Variants in FGD4 observed in about 807,000 individuals in gnomAD.
FGD4 encodes FYVE, RhoGEF and PH domain containing 4.
FGD4 carries 42 observed loss-of-function variants against 102.0 expected under a neutral mutation model. The observed-to-expected ratio is 0.41, with a 90% confidence interval of 0.32 to 0.53. The LOEUF is 0.53. FGD4 is among the 20% of genes least tolerant of loss of function. The probability of loss-of-function intolerance (pLI) is 0.21; values close to 1 mark genes in which losing one functional copy is unlikely to be tolerated. For missense variants in FGD4, 902 were observed against 1,078.2 expected, an observed-to-expected ratio of 0.84 and a Z score of 2.29; for synonymous variants, 380 against 375.7, an observed-to-expected ratio of 1.01 and a Z score of -0.13.
rs542888846 is a variant in FGD4, at chr12:32,596,251, G to T, written c.1012-2246G>T. Among the ~76,000 whole-genome samples, 10 of 152,320 alleles carry T rather than the reference G, an allele frequency of 6.6e-5. No individual in the cohort carries two copies. The South Asian group carries it at 1.9e-3, about 28-fold the overall frequency. On this transcript the variant is annotated intron_variant, in intron 4 of 16. Transcript: ENST00000534526. ...CCAAGGGCTTTGAATAGTTGAAGAA[G>T]GCCCCATGGACAAGAATTGGAAATG...
chr12:32,540,031 T>C (rs911872722), intron 1 of FGD4, among the ~76,000 whole-genome samples: 1 of 152,098 alleles, frequency 6.6e-6, no homozygotes, highest in African/African-American at 2.4e-5. Context: ...GAGTGTAAAA[T>C]AGCAAAATAA....
In FGD4 at chr12:32,599,555, TTTTTTTTTTG is replaced by T. The variant is rs1281962917; in HGVS notation, c.1101+970_1101+979del. 8.7e-3 allele frequency among the ~76,000 whole-genome samples: 555 copies of T among 63,456 alleles called. 7 individuals are homozygous for T. Among genetic ancestry groups the T allele is most frequent in the Middle Eastern group, 0.019 (2 of 104 alleles). 41.6% of individuals were successfully genotyped at this position (63,456 alleles called of 152,430 possible). On this transcript the variant is annotated intron_variant, in intron 5 of 16. Transcript: ENST00000534526. Reference sequence around the variant, plus strand: ...GCATCTTTTTTTTTTTTTTTTTTTTTTTTTTTTTTGGAGATGGAGTCTGGCCCTGTCGCCC... The same window carrying T: ...GCATCTTTTTTTTTTTTTTTTTTTTTGAGATGGAGTCTGGCCCTGTCGCCC...
intron 8 of FGD4, among the ~76,000 whole-genome samples, chr12:32,609,620 A>T (rs953638880): frequency 6.6e-6 from 1 of 152,160 alleles, no homozygotes; most frequent in Non-Finnish European, 1.5e-5. Flanking sequence ...GTGACATGGT[A>T]TGGCATTTTA....
At chr12:32,514,342 A>T (rs1031516328) in intron 1 of FGD4, among the ~76,000 whole-genome samples, 7 of 152,166 alleles carry the variant, frequency 4.6e-5, no homozygotes, top group South Asian at 2.1e-4. Flanking sequence ...TTCAGTGTTA[A>T]TTGGGCTTCT....
intron 2 of FGD4, among the ~76,000 whole-genome samples, chr12:32,564,771 C>T (rs192800440): frequency 2.6e-5 from 4 of 152,324 alleles, no homozygotes; most frequent in African/African-American, 9.6e-5. Flanking sequence ...GGAACAGTAA[C>T]AGCCCTTCAT....
chr12:32,548,833 G>A (rs563991026), intron 1 of FGD4, among the ~76,000 whole-genome samples: 1 of 152,186 alleles, frequency 6.6e-6, no homozygotes, highest in Non-Finnish European at 1.5e-5. Context: ...GGGAACATAC[G>A]GGATCAGGTC....
At chr12:32,595,631 C>G (rs965212489) in intron 4 of FGD4, among the ~76,000 whole-genome samples, 18 of 152,244 alleles carry the variant, frequency 1.2e-4, no homozygotes, top group African/African-American at 4.3e-4. Flanking sequence ...GGTCTGTTTC[C>G]CTAGAGGAAC....
At chr12:32,481,064 C>T (rs1241512135) in intron 1 of FGD4, among the ~76,000 whole-genome samples, 1 of 132,466 alleles carries the variant, frequency 7.5e-6, no homozygotes, top group African/African-American at 2.9e-5. Flanking sequence ...CAATCCCCGG[C>T]TTGCGGTGAG....
chr12:32,427,175 C>A (rs1263847810), intron 1 of FGD4, among the ~76,000 whole-genome samples: 1 of 152,126 alleles, frequency 6.6e-6, no homozygotes, highest in African/African-American at 2.4e-5. Flanking sequence ...GATTTTAGAT[C>A]TTTCCCACTT....
intron 1 of FGD4, among the ~76,000 whole-genome samples, chr12:32,537,755 C>T (rs1942422749): frequency 6.6e-6 from 1 of 152,170 alleles, no homozygotes; most frequent in African/African-American, 2.4e-5. Context: ...ATGCCTTATT[C>T]CCTTCATGTC....
chr12:32,560,310 G>A (rs1304267567), intron 1 of FGD4, among the ~76,000 whole-genome samples: 2 of 152,164 alleles, frequency 1.3e-5, no homozygotes, highest in Non-Finnish European at 2.9e-5. Flanking sequence ...GCAGCGCAAT[G>A]GTGTGATCAC....
chr12:32,617,232 A>C (rs73311054), intron 10 of FGD4, among the ~76,000 whole-genome samples: 2,335 of 152,318 alleles, frequency 0.015, 52 homozygotes, highest in African/African-American at 0.053. Flanking sequence ...AAAATAAAAT[A>C]AAATCACCAA....
At chr12:32,527,962 T>C (rs966253964) in intron 1 of FGD4, among the ~76,000 whole-genome samples, 4 of 143,628 alleles carry the variant, frequency 2.8e-5, no homozygotes, top group African/African-American at 1.2e-4. Context: ...TTTTTCTTTT[T>C]TCTTTTTCTT....
At chr12:32,608,921 A>G (rs999206039) in intron 8 of FGD4, among the ~76,000 whole-genome samples, 2 of 152,096 alleles carry the variant, frequency 1.3e-5, no homozygotes, top group Non-Finnish European at 2.9e-5. Context: ...TGTTATTATT[A>G]CTATTATTAT....
At chr12:32,452,569 A>G (rs1422969166) in intron 1 of FGD4, among the ~76,000 whole-genome samples, 3 of 152,246 alleles carry the variant, frequency 2.0e-5, no homozygotes, top group Non-Finnish European at 4.4e-5. Context: ...TTTACACAAA[A>G]AGTAAAGCTT....
chr12:32,436,442 T>A (rs957839683), intron 1 of FGD4, among the ~76,000 whole-genome samples: 1 of 152,184 alleles, frequency 6.6e-6, no homozygotes, highest in Non-Finnish European at 1.5e-5. Flanking sequence ...AGGCAAAACA[T>A]GTGGGCATTG....
Position 32,452,425 on chromosome 12 carries a change from T to G in FGD4, c.166+52466T>G, listed in dbSNP as rs890529248. On this transcript the variant is annotated intron_variant, in intron 1 of 16. Transcript: ENST00000534526. Reference sequence around the variant, plus strand: ...ATGCATTCATTTGTCTATGAATGAATTTTTGATAGACAATATTTAAATATT... The same window carrying G: ...ATGCATTCATTTGTCTATGAATGAAGTTTTGATAGACAATATTTAAATATT... 3.3e-5 allele frequency among the ~76,000 whole-genome samples: 5 copies of G among 152,204 alleles called. No individual in the cohort carries two copies. The East Asian group carries it at 9.6e-4, about 29-fold the overall frequency.
In FGD4 at chr12:32,645,876, TTTTTC is replaced by T. The variant is rs1207698021; in HGVS notation, c.*5350_*5354del. ...CAAGTGTGAAAGTATACACAAGTAATTTTTCTTTTCTAGCTATGTGAATGTAAAAT... is the reference window on the plus strand; with the variant it reads ...CAAGTGTGAAAGTATACACAAGTAATTTTTCTAGCTATGTGAATGTAAAAT... On this transcript the variant is annotated 3_prime_UTR_variant, in exon 17 of 17. Coordinates refer to ENST00000534526, the MANE Select transcript of FGD4 (RefSeq NM_001370298.3). 6.6e-6 allele frequency: 1 copy of T among 152,246 alleles called. No individual in the cohort carries two copies. Among genetic ancestry groups the T allele is most frequent in the East Asian group, 1.9e-4 (1 of 5,208 alleles). 9.4% of individuals were successfully genotyped at this position (152,246 alleles called of 1,614,324 possible).
intron 1 of FGD4, among the ~76,000 whole-genome samples, chr12:32,538,035 T>TA (rs1233106933): frequency 6.6e-6 from 1 of 152,098 alleles, no homozygotes. Flanking sequence ...AGCCAGGACT[T>TA]ACAGGCACAC....
Sources: allele counts gnomAD v4.1 joint callset (sites outside exome capture counted in the v4.1 genomes callset), GRCh38; gene constraint gnomAD v4.1.1; transcripts MANE v1.5; gene names NCBI Gene and HGNC (gene_info 2026-07-23, HGNC 2026-07-21).